EYS: variants seen among roughly 807,000 people sequenced by gnomAD.
EYS encodes protein eyes shut homolog.
Under a neutral mutation model 282.1 loss-of-function variants are expected in EYS, and 250 were observed. The ratio of observed to expected loss-of-function variants is 0.89; its 90% CI spans 0.80 to 0.98. The LOEUF (loss-of-function observed/expected upper bound fraction) is 0.98. Among genes scored for constraint, EYS ranks in the 50% least tolerant of loss-of-function variants. The probability of loss-of-function intolerance (pLI) is 0.00; values close to 1 mark genes in which losing one functional copy is unlikely to be tolerated. For missense variants in EYS, 4,016 were observed against 3,709.0 expected, an observed-to-expected ratio of 1.08 and a Z score of -2.15; for synonymous variants, 1,355 against 1,282.9, an observed-to-expected ratio of 1.06 and a Z score of -1.20.
intron 12 of EYS, among the ~76,000 whole-genome samples, chr6:65,109,414 T>A (rs1775140992): frequency 6.6e-6 from 1 of 152,254 alleles, no homozygotes; most frequent in Non-Finnish European, 1.5e-5. Flanking sequence ...TTTGTTTGTT[T>A]GTTTTGGTAG....
intron 18 of EYS, among the ~76,000 whole-genome samples, chr6:64,894,812 T>C (rs1767402795): frequency 1.3e-5 from 2 of 152,194 alleles, no homozygotes; most frequent in Non-Finnish European, 2.9e-5. Context: ...GATCCACCAG[T>C]AGAAATATAA....
At chr6:64,432,051 G>A (rs1219479594) in intron 28 of EYS, among the ~76,000 whole-genome samples, 2 of 152,056 alleles carry the variant, frequency 1.3e-5, no homozygotes, top group East Asian at 3.9e-4. Flanking sequence ...AATGCATGTG[G>A]ATGACTGTAC....
chr6:64,366,425 C>T (rs1772181500), intron 29 of EYS, among the ~76,000 whole-genome samples: 1 of 152,006 alleles, frequency 6.6e-6, no homozygotes, highest in Admixed American at 6.6e-5. Flanking sequence ...CTCACTAGAC[C>T]AACCAAATGG....
chr6:63,800,624 A>T (rs996396643), intron 37 of EYS, among the ~76,000 whole-genome samples: 7 of 152,070 alleles, frequency 4.6e-5, no homozygotes, highest in Non-Finnish European at 4.4e-5. Flanking sequence ...CAACATGATG[A>T]AACCGCGTCT....
chr6:63,879,097 C>G (rs1773060021), intron 35 of EYS, among the ~76,000 whole-genome samples: 1 of 152,038 alleles, frequency 6.6e-6, no homozygotes, highest in South Asian at 2.1e-4. Context: ...GGGAACCTCC[C>G]CCTATTTCAG....
chr6:64,229,858 T>A (rs1355370147), intron 31 of EYS, among the ~76,000 whole-genome samples: 1 of 152,226 alleles, frequency 6.6e-6, no homozygotes, highest in East Asian at 1.9e-4. Context: ...AATTATCTGC[T>A]ATCTGAATCA....
intron 35 of EYS, among the ~76,000 whole-genome samples, chr6:63,950,555 AG>A (rs1320961756): frequency 1.3e-5 from 2 of 152,120 alleles, no homozygotes. Context: ...GCTCACACAA[AG>A]CCTGTTTGGT....
chr6:64,686,867 A>ATG (rs1491510153), intron 22 of EYS, among the ~76,000 whole-genome samples: 11 of 122,664 alleles, frequency 9.0e-5, no homozygotes, highest in East Asian at 6.3e-4. Flanking sequence ...GTATATATAT[A>ATG]CGTGTATATA....
At chr6:64,464,668 A>C (rs1387457211) in intron 26 of EYS, among the ~76,000 whole-genome samples, 1 of 152,066 alleles carries the variant, frequency 6.6e-6, no homozygotes, top group Non-Finnish European at 1.5e-5. Context: ...AAAGAAGTCA[A>C]GATAACTGGG....
chr6:65,507,920 G>A (rs1447311886), intron 2 of EYS, among the ~76,000 whole-genome samples: 1 of 152,098 alleles, frequency 6.6e-6, no homozygotes, highest in Admixed American at 6.6e-5. Flanking sequence ...ACATCCTCGT[G>A]ATGTATGAAT....
intron 35 of EYS, among the ~76,000 whole-genome samples, chr6:63,977,605 G>A (rs1044592269): frequency 3.3e-5 from 5 of 151,916 alleles, no homozygotes; most frequent in Non-Finnish European, 1.5e-5. Flanking sequence ...GAGCTGTGAA[G>A]GACTGGGTGG....
Position 65,190,326 on chromosome 6 carries a change from T to G in EYS, c.2023+105537A>C, listed in dbSNP as rs375317313. Among the ~76,000 whole-genome samples, 53 of 148,408 alleles carry G rather than the reference T, an allele frequency of 3.6e-4. No individual in the cohort carries two copies. The East Asian group carries it at 0.01, about 28-fold the overall frequency. On this transcript the variant is annotated intron_variant, in intron 12 of 42. Transcript: ENST00000503581. ...ATATATTTCCTATAAAATATTTATA[T>G]ATTATATTTTATATGAAATATATGT...
In EYS at chr6:63,720,820, C is replaced by G. The variant is rs1384417816; in HGVS notation, c.9211G>C (p.Asp3071His). 13 of 1,551,002 alleles carry G rather than the reference C, an allele frequency of 8.4e-6. No homozygotes were observed. The highest frequency in any genetic ancestry group is 1.1e-5 in the Non-Finnish European group (13 of 1,146,690). The change falls in exon 43 of 43, where the codon GAT becomes CAT. Residue 3071 changes from aspartate (D) to histidine (H), a missense_variant. Physicochemically the swap from Asp to His is moderately conservative, Grantham distance 81 (BLOSUM62 -1). Transcript: ENST00000503581. ...NNSLILSEDIDPHKNFVALNY... is the reference protein window; with the variant it reads ...NNSLILSEDIHPHKNFVALNY... Reference sequence around the variant, plus strand: ...AGAGCCACAAAGTTTTTATGTGGATCAATATCCTCGGAAAGAATTAGACTG... The same window carrying G: ...AGAGCCACAAAGTTTTTATGTGGATGAATATCCTCGGAAAGAATTAGACTG...
intron 6 of EYS, 55 bp downstream of exon 6, chr6:65,405,119 G>C: frequency 2.5e-6 from 3 of 1,224,084 alleles, no homozygotes; most frequent in Non-Finnish European, 3.6e-6. Flanking sequence ...CAAATTGCTT[G>C]GTAATAGTAA....
rs150161164 is a variant in EYS, at chr6:65,126,536, A to G, written c.2024-68809T>C. 4.7e-3 allele frequency among the ~76,000 whole-genome samples: 709 copies of G among 152,260 alleles called. 7 individuals carry two copies. The highest frequency in any genetic ancestry group is 6.8e-3 in the Middle Eastern group (2 of 294). On this transcript the variant is annotated intron_variant, in intron 12 of 42. Coordinates refer to ENST00000503581, the MANE Select transcript of EYS (RefSeq NM_001142800.2). Reference sequence around the variant, plus strand: ...AATAGGCAAGCACCTGCCTGACCACATCAGCAACACCAGAGGCAGAAGGCA... The same window carrying G: ...AATAGGCAAGCACCTGCCTGACCACGTCAGCAACACCAGAGGCAGAAGGCA...
In EYS at chr6:64,249,397, G is replaced by A. The variant is rs551097251; in HGVS notation, c.6192-18573C>T. Among the ~76,000 whole-genome samples, 5 of 152,182 alleles carry A rather than the reference G, an allele frequency of 3.3e-5. No individual in the cohort carries two copies. The South Asian group carries it at 1.0e-3, about 32-fold the overall frequency. On this transcript the variant is annotated intron_variant, in intron 30 of 42. Transcript: ENST00000503581. ...TCTTGGAAGAGTGAGGAAGTTGGAG[G>A]GGGGTGGATGATGAGAAATTACTAA...
chr6:65,055,465 C>A lies in EYS; in HGVS notation c.2137+2149G>T, dbSNP rs532772321. 2.6e-5 allele frequency among the ~76,000 whole-genome samples: 4 copies of A among 152,190 alleles called. No individual in the cohort carries two copies. In the South Asian group the frequency reaches 8.3e-4, roughly 32 times the overall value. On this transcript the variant is annotated intron_variant, in intron 13 of 42. Coordinates refer to ENST00000503581, the MANE Select transcript of EYS (RefSeq NM_001142800.2). ...TGCTACTATGGTACATTTGTCACAA[C>A]AAATGAACCAATATTGATGTTATTA... is the stretch of plus-strand genomic sequence containing the variant.
At chr6:64,895,219 T>C (rs1767420285) in intron 18 of EYS, among the ~76,000 whole-genome samples, 1 of 152,144 alleles carries the variant, frequency 6.6e-6, no homozygotes, top group Non-Finnish European at 1.5e-5. Flanking sequence ...CTGATGCAAA[T>C]TTCACCAATT....
chr6:64,238,140 G>A (rs1766673437), intron 30 of EYS, among the ~76,000 whole-genome samples: 1 of 151,926 alleles, frequency 6.6e-6, no homozygotes, highest in African/African-American at 2.4e-5. Context: ...TTTCTCACGG[G>A]ACAAATGCAT....
Sources: allele counts gnomAD v4.1 joint callset (sites outside exome capture counted in the v4.1 genomes callset), GRCh38; gene constraint gnomAD v4.1.1; transcripts MANE v1.5; gene names NCBI Gene and HGNC (gene_info 2026-07-23, HGNC 2026-07-21).